Variants in PHF21A observed in about 807,000 individuals in gnomAD.
PHF21A encodes PHD finger protein 21A, also known as BHC80a.
In PHF21A, 11 loss-of-function variants were observed where a neutral mutation model predicts 82.5. That is an observed-to-expected ratio of 0.13 (90% CI 0.08 to 0.22). The LOEUF (loss-of-function observed/expected upper bound fraction) is 0.22. Among genes scored for constraint, PHF21A ranks in the 10% least tolerant of loss-of-function variants. The probability of loss-of-function intolerance (pLI) is 1.00; values close to 1 mark genes in which losing one functional copy is unlikely to be tolerated. For missense variants in PHF21A, 579 were observed against 837.8 expected, an observed-to-expected ratio of 0.69 and a Z score of 3.81; for synonymous variants, 297 against 302.8, an observed-to-expected ratio of 0.98 and a Z score of 0.20.
At chr11:46,069,611 C>T (rs934789171) in intron 6 of PHF21A, among the ~76,000 whole-genome samples, 1 of 152,116 alleles carries the variant, frequency 6.6e-6, no homozygotes, top group Non-Finnish European at 1.5e-5. Flanking sequence ...ATTATTTTGC[C>T]TAATGTCCTA....
intron 6 of PHF21A, among the ~76,000 whole-genome samples, chr11:45,986,992 T>C (rs968384831): frequency 3.3e-5 from 5 of 152,160 alleles, no homozygotes; most frequent in Admixed American, 6.5e-5. Context: ...TTAGGATATA[T>C]ATCCCTGTGG....
chr11:46,106,186 T>C (rs2097150218), intron 1 of PHF21A, among the ~76,000 whole-genome samples: 1 of 152,226 alleles, frequency 6.6e-6, no homozygotes, highest in African/African-American at 2.4e-5. Context: ...TACTAAAAGA[T>C]ATTTTCATTC....
At position 45,938,163 on chromosome 11, in the gene PHF21A, C is replaced by G; in HGVS notation, c.1602G>C (p.Gln534His). 1.3e-6 allele frequency: 2 copies of G among 1,593,382 alleles called. No individual in the cohort carries two copies. Among genetic ancestry groups the G allele is most frequent in the Non-Finnish European group, 1.7e-6 (2 of 1,168,634 alleles). Residue 534 changes from glutamine (Q) to histidine (H), a missense_variant, in exon 16 of 19, where the codon CAG (glutamine) becomes CAC (histidine). Around this residue, in one of 3 missense-constraint regions of PHF21A, gnomAD observed 410 missense variants for 642.1 expected, o/e 0.64. Transcript: ENST00000676320. ...PKGMWICPRC[Q>H]DQMLKKEEAI... The stretch of plus-strand genomic sequence containing the variant: ...TTGGACCCACCCACAGTACCTGGTC[C>G]TGACATCTGGGACAGATCCACATGC...
At chr11:46,079,871 AAG>A (rs760710794) in intron 4 of PHF21A, among the ~76,000 whole-genome samples, 1 of 151,944 alleles carries the variant, frequency 6.6e-6, no homozygotes, top group Non-Finnish European at 1.5e-5. Flanking sequence ...AAGGAAAGGA[AAG>A]AGGAAAGGAA....
chr11:45,949,426 G>A lies in PHF21A; in HGVS notation c.1203C>T (p.Tyr401=), dbSNP rs746680750. Residue 401 remains tyrosine (Y), a synonymous_variant, in exon 13 of 19, where the codon TAC becomes TAT. Coordinates refer to ENST00000676320, the MANE Select transcript of PHF21A (RefSeq NM_001352027.3). Reference sequence around the variant, plus strand: ...CCTCTGGCTCAAAGACTGCTCCACTGTAGACCGGATTTGCTGTTGTTCTTC... The same window carrying A: ...CCTCTGGCTCAAAGACTGCTCCACTATAGACCGGATTTGCTGTTGTTCTTC... The part of the protein sequence containing the change: ...RKRRTTANPV[Y]SGAVFEPERK... 145 of 1,614,086 alleles carry A rather than the reference G, an allele frequency of 9.0e-5. 1 individual carries two copies. In the Middle Eastern group the frequency reaches 2.5e-3, roughly 27 times the overall value.
At chr11:45,970,061 T>C (rs1225773275) in intron 8 of PHF21A, 157 bp from the exon 9 acceptor site, 1 of 642,026 alleles carries the variant, frequency 1.6e-6, no homozygotes. Flanking sequence ...TAGGAAACTT[T>C]TTAACTCTCC....
At chr11:45,968,918 C>G (rs891583552) in intron 9 of PHF21A, among the ~76,000 whole-genome samples, 1 of 119,666 alleles carries the variant, frequency 8.4e-6, no homozygotes, top group Non-Finnish European at 1.6e-5. Flanking sequence ...GCGATGGGAG[C>G]GAAACTCCAT....
At chr11:45,947,777 C>T (rs1361739660) in intron 14 of PHF21A, among the ~76,000 whole-genome samples, 1 of 151,886 alleles carries the variant, frequency 6.6e-6, no homozygotes, top group Non-Finnish European at 1.5e-5. Context: ...TCACCAAGCA[C>T]AAAACAAAAC....
intron 6 of PHF21A, among the ~76,000 whole-genome samples, chr11:46,070,188 T>C (rs1306750648): frequency 6.6e-6 from 1 of 152,220 alleles, no homozygotes; most frequent in African/African-American, 2.4e-5. Context: ...AGAAACTTCT[T>C]TCCCAAAAGC....
At chr11:45,943,544 T>C (rs907096545) in intron 15 of PHF21A, among the ~76,000 whole-genome samples, 8 of 152,218 alleles carry the variant, frequency 5.3e-5, no homozygotes, top group Non-Finnish European at 1.0e-4. Flanking sequence ...TTCCATCCTA[T>C]TTTCCCTATA....
At position 46,012,152 on chromosome 11, in the gene PHF21A, G is replaced by A. The variant is rs150956438; in HGVS notation, c.154-32186C>T. Among the ~76,000 whole-genome samples the A allele has an allele frequency of 9.3e-3, 1,422 of 152,280 alleles. 15 individuals carry two copies. The highest frequency in any genetic ancestry group is 0.014 in the Non-Finnish European group (980 of 68,020). ...GCCAAAGGCTCTGCCTGAAGTTCATGCCATCTTTACCCTAACCTTCTAATC... is the reference window on the plus strand; with the variant it reads ...GCCAAAGGCTCTGCCTGAAGTTCATACCATCTTTACCCTAACCTTCTAATC... On this transcript the variant is annotated intron_variant, in intron 6 of 18. Coordinates refer to ENST00000676320, the MANE Select transcript of PHF21A (RefSeq NM_001352027.3).
chr11:46,021,246 A>G (rs566950476), intron 6 of PHF21A, among the ~76,000 whole-genome samples: 1 of 152,004 alleles, frequency 6.6e-6, no homozygotes, highest in Non-Finnish European at 1.5e-5. Context: ...TTTTTTGTAG[A>G]GATGGGGGTC....
chr11:45,971,890 C>CTTTCTTTTTTTTTT (rs57081937), intron 7 of PHF21A, among the ~76,000 whole-genome samples: 5 of 50,298 alleles, frequency 9.9e-5, no homozygotes, highest in African/African-American at 2.5e-4. Context: ...CTTTTTCTTT[C>CTTTCTTTTTTTTTT]TTTTTTTTTT....
chr11:46,100,348 CCT>C (rs2097077415), intron 1 of PHF21A, among the ~76,000 whole-genome samples: 1 of 151,932 alleles, frequency 6.6e-6, no homozygotes, highest in Non-Finnish European at 1.5e-5. Flanking sequence ...CATTAGGCAC[CCT>C]ATTTTACTTC....
At chr11:46,079,851 GAGGAA>G (rs376888297) in intron 4 of PHF21A, among the ~76,000 whole-genome samples, 11 of 148,980 alleles carry the variant, frequency 7.4e-5, no homozygotes, top group East Asian at 2.0e-4. Flanking sequence ...GGAAAGGAAA[GAGGAA>G]AGGAAAGGAA....
chr11:45,946,507 C>T (rs564332263), intron 14 of PHF21A, among the ~76,000 whole-genome samples: 70 of 152,248 alleles, frequency 4.6e-4, no homozygotes, highest in Middle Eastern at 3.4e-3. Flanking sequence ...CCTCAGCCTC[C>T]CACGTAGCTG....
intron 6 of PHF21A, among the ~76,000 whole-genome samples, chr11:46,075,237 C>T (rs2096711480): frequency 6.6e-6 from 1 of 152,146 alleles, no homozygotes; most frequent in Non-Finnish European, 1.5e-5. Context: ...ACAAAAATTT[C>T]GAGTAGATGT....
intron 1 of PHF21A, among the ~76,000 whole-genome samples, chr11:46,113,571 T>TGTAATCCCAACACTTTAG (rs1228235763): frequency 6.6e-6 from 1 of 152,216 alleles, no homozygotes; most frequent in East Asian, 1.9e-4. Context: ...GGCTCACGCC[T>TGTAATCCCAACACTTTAG]GTAATCCCAA....
chr11:46,024,891 A>G (rs749705930), intron 6 of PHF21A, among the ~76,000 whole-genome samples: 7 of 152,210 alleles, frequency 4.6e-5, no homozygotes, highest in Non-Finnish European at 8.8e-5. Context: ...TTTCTATACC[A>G]TAGTGACTCC....
Sources: allele counts gnomAD v4.1 joint callset (sites outside exome capture counted in the v4.1 genomes callset), GRCh38; gene constraint gnomAD v4.1.1; regional missense constraint gnomAD v4.1.1; transcripts MANE v1.5; gene names NCBI Gene and HGNC (gene_info 2026-07-23, HGNC 2026-07-21).